The following GLIS3 variants were observed in gnomAD, a reference collection of about 807,000 sequenced individuals.
GLIS3 encodes the protein GLIS family zinc finger 3.
A neutral mutation model predicts 78.6 loss-of-function variants in GLIS3; 53 were observed. That is an observed-to-expected ratio of 0.67 (90% CI 0.54 to 0.85). GLIS3 has a LOEUF of 0.85. Ranked by LOEUF, GLIS3 falls within the 40% of genes least tolerant of loss-of-function variation. The pLI is 0.00. For missense variants in GLIS3, 1,703 were observed against 1,231.1 expected, an observed-to-expected ratio of 1.38 and a Z score of -5.74; for synonymous variants, 684 against 509.9, an observed-to-expected ratio of 1.34 and a Z score of -4.60.
intron 2 of GLIS3, among the ~76,000 whole-genome samples, chr9:4,146,221 G>T (rs1311266868): frequency 6.6e-6 from 1 of 152,138 alleles, no homozygotes; most frequent in African/African-American, 2.4e-5. Context: ...TTATGGATTT[G>T]TGTCTTTAAT....
chr9:4,021,027 T>C (rs1336061308), intron 4 of GLIS3, among the ~76,000 whole-genome samples: 1 of 152,176 alleles, frequency 6.6e-6, no homozygotes, highest in African/African-American at 2.4e-5. Flanking sequence ...TGTTCAAGAC[T>C]AACAGGAACT....
At chr9:3,921,448 G>C (rs200626628) in intron 6 of GLIS3, among the ~76,000 whole-genome samples, 1 of 152,138 alleles carries the variant, frequency 6.6e-6, no homozygotes, top group Admixed American at 6.5e-5. Context: ...ACTCAGTCAG[G>C]CACAGTTCCA....
Position 4,219,777 on chromosome 9 carries a change from T to C in GLIS3, c.388+66261A>G, listed in dbSNP as rs151025710. On this transcript the variant is annotated intron_variant, in intron 2 of 10. Coordinates refer to ENST00000381971, the MANE Select transcript of GLIS3 (RefSeq NM_001042413.2). ...GGCTTTGGCTGGTATCGGCAGCACG[T>C]GCAGCAGGTCCACGCAGAGCAAAGC... is the stretch of plus-strand genomic sequence containing the variant. Among the ~76,000 whole-genome samples, 48 of 152,318 alleles carry C rather than the reference T, an allele frequency of 3.2e-4. 1 individual carries two copies. The East Asian group carries it at 8.3e-3, about 26-fold the overall frequency.
intron 2 of GLIS3, among the ~76,000 whole-genome samples, chr9:4,259,627 T>C (rs1472969104): frequency 6.6e-6 from 1 of 152,202 alleles, no homozygotes; most frequent in Non-Finnish European, 1.5e-5. Context: ...CTTTCAGTTT[T>C]TGCTTGCAAT....
chr9:4,094,205 C>G (rs148857643), intron 4 of GLIS3, among the ~76,000 whole-genome samples: 13 of 152,270 alleles, frequency 8.5e-5, no homozygotes, highest in African/African-American at 2.6e-4. Flanking sequence ...GGAAAACAAG[C>G]TGGGTCATCA....
At chr9:4,416,816 T>TG in the GLIS3 span, among the ~76,000 whole-genome samples, 9 of 140,834 alleles carry the variant, frequency 6.4e-5, no homozygotes, top group South Asian at 2.1e-3. Context: ...TAGTCAGTTT[T>TG]TTTTTTTTTT....
chr9:4,127,020 A>C (rs1483577650), intron 2 of GLIS3, among the ~76,000 whole-genome samples: 3 of 152,226 alleles, frequency 2.0e-5, no homozygotes. Context: ...TCAATAGCCC[A>C]AAAGTGCCTT....
chr9:3,859,166 A>G (rs1253961690), intron 8 of GLIS3, among the ~76,000 whole-genome samples: 1 of 152,182 alleles, frequency 6.6e-6, no homozygotes, highest in Non-Finnish European at 1.5e-5. Flanking sequence ...GTGACTCAAC[A>G]AGCTAACAAG....
intron 6 of GLIS3, among the ~76,000 whole-genome samples, chr9:3,916,433 A>C (rs1232235116): frequency 1.3e-5 from 2 of 152,214 alleles, no homozygotes; most frequent in African/African-American, 4.8e-5. Flanking sequence ...CCAACTCTCT[A>C]ATCAGGTTCA....
rs540658659 is a variant in GLIS3 at position 4,202,481 on chromosome 9, G to A, written c.389-76540C>T. Among the ~76,000 whole-genome samples the A allele has an allele frequency of 2.6e-5, 4 of 151,436 alleles. No individual in the cohort carries two copies. The South Asian group carries it at 6.3e-4, about 24-fold the overall frequency. ...ATAAAAATAAATAAATAAAATTCAC[G>A]TGAAACCAAAAAAGAGCCCAAACAG... is the stretch of plus-strand genomic sequence containing the variant. On this transcript the variant is annotated intron_variant, in intron 2 of 10. Transcript: ENST00000381971.
intron 4 of GLIS3, among the ~76,000 whole-genome samples, chr9:4,060,757 T>C (rs995539936): frequency 1.8e-4 from 27 of 152,204 alleles, no homozygotes; most frequent in African/African-American, 6.5e-4. Context: ...GTTCCTTTTC[T>C]TGTTAAATTA....
intron 2 of GLIS3, among the ~76,000 whole-genome samples, chr9:4,189,850 T>C (rs540297847): frequency 6.6e-6 from 1 of 152,232 alleles, no homozygotes; most frequent in South Asian, 2.1e-4. Flanking sequence ...ATTTGCTTGG[T>C]AGATCTTCCT....
chr9:4,467,222 A>C, the GLIS3 span, among the ~76,000 whole-genome samples: 1 of 152,210 alleles, frequency 6.6e-6, no homozygotes, highest in African/African-American at 2.4e-5. Flanking sequence ...ATAGCTGAAC[A>C]AAAGGTAGCA....
intron 2 of GLIS3, among the ~76,000 whole-genome samples, chr9:4,165,743 G>A (rs1835834191): frequency 6.6e-6 from 1 of 152,198 alleles, no homozygotes; most frequent in African/African-American, 2.4e-5. Context: ...ATATACAGTT[G>A]GAAAGGAGAG....
intron 7 of GLIS3, among the ~76,000 whole-genome samples, chr9:3,888,104 C>T (rs909108109): frequency 2.6e-5 from 4 of 152,134 alleles, no homozygotes; most frequent in African/African-American, 9.7e-5. Context: ...TATGTTAACC[C>T]TCATTGGGGC....
chr9:4,351,653 A>T (rs965241229), upstream of GLIS3, among the ~76,000 whole-genome samples: 1 of 152,230 alleles, frequency 6.6e-6, no homozygotes, highest in Non-Finnish European at 1.5e-5. Context: ...ACATCAAATG[A>T]TAAGGAAAGA....
At chr9:3,882,308 G>C (rs1010873025) in intron 7 of GLIS3, among the ~76,000 whole-genome samples, 1 of 152,142 alleles carries the variant, frequency 6.6e-6, no homozygotes, top group Non-Finnish European at 1.5e-5. Flanking sequence ...ATTTGTTGAC[G>C]GTTGCGCCAT....
At chr9:4,022,910 G>A (rs1404384244) in intron 4 of GLIS3, among the ~76,000 whole-genome samples, 2 of 152,098 alleles carry the variant, frequency 1.3e-5, no homozygotes, top group Admixed American at 6.6e-5. Flanking sequence ...CTGGGGCCAG[G>A]GGCTGAAAGA....
chr9:3,843,190 G>A (rs1818825479), intron 9 of GLIS3, among the ~76,000 whole-genome samples: 1 of 152,108 alleles, frequency 6.6e-6, no homozygotes, highest in Non-Finnish European at 1.5e-5. Flanking sequence ...CATTACATCC[G>A]CTTTACTAAC....
Sources: allele counts gnomAD v4.1 joint callset (sites outside exome capture counted in the v4.1 genomes callset), GRCh38; gene constraint gnomAD v4.1.1; transcripts MANE v1.5; gene names NCBI Gene and HGNC (gene_info 2026-07-23, HGNC 2026-07-21).